NSD1: variants seen among roughly 807,000 people sequenced by gnomAD.
NSD1 encodes the protein nuclear receptor binding SET domain protein 1, also known as histone-lysine N-methyltransferase, H3 lysine-36 specific.
A neutral mutation model predicts 242.7 loss-of-function variants in NSD1; 26 were observed. The ratio of observed to expected loss-of-function variants is 0.11; its 90% CI spans 0.08 to 0.15. NSD1 has a LOEUF of 0.15. NSD1 is among the 10% of genes least tolerant of loss of function. The probability of loss-of-function intolerance (pLI) is 1.00; values close to 1 mark genes in which losing one functional copy is unlikely to be tolerated. For synonymous variants in NSD1, 1,106 were observed against 1,178.1 expected, an observed-to-expected ratio of 0.94 and a Z score of 1.25; for missense variants, 2,495 against 3,272.8, an observed-to-expected ratio of 0.76 and a Z score of 5.80.
chr5:177,295,560 C>A lies in NSD1; in HGVS notation c.*101C>A. 8.4e-7 allele frequency: 1 copy of A among 1,196,152 alleles called. No individual in the cohort carries two copies. 74.1% of individuals were successfully genotyped at this position (1,196,152 alleles called of 1,614,324 possible). ...CCCCCTTAAAAAAAAACACATCTGC[C>A]CCGAACACTTTCCCACTGTTATTCT... On this transcript the variant is annotated 3_prime_UTR_variant, in exon 23 of 23. Coordinates refer to ENST00000439151, the MANE Select transcript of NSD1 (RefSeq NM_022455.5). The surrounding 1 kb of genome is among the most constrained non-coding windows in gnomAD (Gnocchi z 4.3).
intron 2 of NSD1, among the ~76,000 whole-genome samples, chr5:177,176,439 T>TC (rs144442485): frequency 0.096 from 14,509 of 150,734 alleles, 1,179 homozygotes; most frequent in African/African-American, 0.23. Flanking sequence ...TTTTTTTTTT[T>TC]CTTCTTTTTA....
rs1758781600 is a variant in NSD1 at position 177,161,821 on chromosome 5, T to C, written c.927+25791T>C. Among the ~76,000 whole-genome samples, 6 of 151,988 alleles carry C rather than the reference T, an allele frequency of 3.9e-5. No individual in the cohort carries two copies. The South Asian group carries it at 1.2e-3, about 32-fold the overall frequency. ...AGCCTCCTCCACGCCTGGCTAATAT[T>C]TGTATTTTTAGTAGAGATGGGGTTT... On this transcript the variant is annotated intron_variant, in intron 2 of 22. Transcript: ENST00000439151.
At chr5:177,136,849 G>A (rs1469327672) in intron 2 of NSD1, 2 of 663,444 alleles carry the variant, frequency 3.0e-6, no homozygotes, top group South Asian at 1.6e-5. Context: ...CTAAGACAAA[G>A]TTTTATATTT....
chr5:177,265,585 G>A, intron 14 of NSD1: 1 of 1,266,802 alleles, frequency 7.9e-7, no homozygotes, highest in Non-Finnish European at 1.2e-6. Flanking sequence ...ACATCCTGTA[G>A]TCTGTGGAGC....
chr5:177,160,152 A>G (rs1025982531), intron 2 of NSD1, among the ~76,000 whole-genome samples: 1 of 152,002 alleles, frequency 6.6e-6, no homozygotes, highest in Non-Finnish European at 1.5e-5. Flanking sequence ...CCGCCTTCCC[A>G]AGTGCTGGGA....
intron 17 of NSD1, among the ~76,000 whole-genome samples, chr5:177,279,976 T>TTATTA (rs1936764709): frequency 1.3e-5 from 1 of 78,192 alleles, no homozygotes; most frequent in Non-Finnish European, 4.0e-5. Context: ...TTATTTTATT[T>TTATTA]TATTTTATTT....
intron 4 of NSD1, among the ~76,000 whole-genome samples, chr5:177,205,123 G>A (rs773444070): frequency 1.1e-4 from 17 of 151,914 alleles, no homozygotes; most frequent in Admixed American, 5.9e-4. Context: ...TGCAACTTCC[G>A]CCTCCCAGGT....
chr5:177,294,268 T>C lies in NSD1; in HGVS notation c.6900T>C (p.Ala2300=), dbSNP rs1172179073. ...CTTTAGATAAGGTCAGAGACCTCGC[T>C]GGGTCAGGGACCAAATCCCAATCCT... ...PQPLDKVRDL[A]GSGTKSQSLV... Residue 2300 remains alanine, a synonymous_variant, in exon 23 of 23, where the codon GCT becomes GCC. Coordinates refer to ENST00000439151, the MANE Select transcript of NSD1 (RefSeq NM_022455.5). The C allele has an allele frequency of 6.2e-7, 1 of 1,613,564 alleles. No individual in the cohort carries two copies. Among genetic ancestry groups the C allele is most frequent in the Admixed American group, 1.7e-5 (1 of 60,012 alleles).
At chr5:177,187,056 T>C (rs1432951066) in intron 2 of NSD1, among the ~76,000 whole-genome samples, 1 of 151,926 alleles carries the variant, frequency 6.6e-6, no homozygotes, top group South Asian at 2.1e-4. Flanking sequence ...TTTAGAGTTA[T>C]TCAGATATGG....
chr5:177,265,085 T>A, intron 14 of NSD1: 1 of 737,730 alleles, frequency 1.4e-6, no homozygotes, highest in South Asian at 1.4e-5. Context: ...TCCTGAAACA[T>A]GTGAAGGAAA....
intron 2 of NSD1, among the ~76,000 whole-genome samples, chr5:177,190,504 G>A (rs757003790): frequency 6.6e-6 from 1 of 152,054 alleles, no homozygotes; most frequent in Non-Finnish European, 1.5e-5. Context: ...TGGCCAGGCT[G>A]ATCTCAAACT....
At chr5:177,245,991 A>G (rs559181408) in intron 9 of NSD1, among the ~76,000 whole-genome samples, 38 of 140,684 alleles carry the variant, frequency 2.7e-4, no homozygotes, top group Admixed American at 7.3e-4. Flanking sequence ...TTTTTTTGAG[A>G]TGGAGTTTCG....
intron 2 of NSD1, among the ~76,000 whole-genome samples, chr5:177,188,678 A>G (rs762003754): frequency 6.6e-6 from 1 of 152,170 alleles, no homozygotes; most frequent in Non-Finnish European, 1.5e-5. Context: ...TTGTAATAGC[A>G]TAATTTTTTT....
intron 21 of NSD1, 21 bp from the exon 22 acceptor site, chr5:177,291,933 T>C (rs761046193): frequency 3.1e-6 from 5 of 1,609,136 alleles, no homozygotes; most frequent in Non-Finnish European, 4.3e-6. Context: ...GAATGCTGAC[T>C]GTTCAATATC....
At chr5:177,231,681 A>C (rs1212704784) in intron 5 of NSD1, among the ~76,000 whole-genome samples, 1 of 151,742 alleles carries the variant, frequency 6.6e-6, no homozygotes, top group Non-Finnish European at 1.5e-5. Context: ...TGGCCTCCCA[A>C]AGTGCTGGGA....
Position 177,211,057 on chromosome 5 carries a change from A to G in NSD1, c.2658A>G (p.Lys886=). 1 of 1,614,202 alleles carries G rather than the reference A, an allele frequency of 6.2e-7. No homozygotes were observed. Among genetic ancestry groups the G allele is most frequent in the South Asian group, 1.1e-5 (1 of 91,088 alleles). The change falls in exon 5 of 23, where the codon AAA becomes AAG. Residue 886 remains lysine, a synonymous_variant. Coordinates refer to ENST00000439151, the MANE Select transcript of NSD1 (RefSeq NM_022455.5). ...VSDSGTSKPS[K]PLLFSSASSQ... is the part of the protein sequence containing the mutation. Reference sequence around the variant, plus strand: ...ACTCTGGAACATCAAAGCCATCAAAACCATTACTTTTCTCTTCTGCTTCTA... The same window carrying G: ...ACTCTGGAACATCAAAGCCATCAAAGCCATTACTTTTCTCTTCTGCTTCTA...
chr5:177,238,422 G>C lies in NSD1; in HGVS notation c.4107G>C (p.Pro1369=). 6.2e-7 allele frequency: 1 copy of C among 1,614,074 alleles called. No homozygotes were observed. The highest frequency in any genetic ancestry group is 2.2e-5 in the East Asian group (1 of 44,868). ...SELGGGHAEL[P]QLTLSVPVAP... ...TTGGAGGTGGACATGCTGAGTTGCC[G>C]CAGCTGACCTTGTCTGTGCCTGTGG... is the stretch of plus-strand genomic sequence containing the variant. The change falls in exon 7 of 23, where the codon CCG becomes CCC. Residue 1369 remains proline, a synonymous_variant. Coordinates refer to ENST00000439151, the MANE Select transcript of NSD1 (RefSeq NM_022455.5). This position sits in a 1 kb window ranked among gnomAD's most constrained non-coding sequence, Gnocchi z 4.6.
At chr5:177,179,881 T>C (rs1317664964) in intron 2 of NSD1, among the ~76,000 whole-genome samples, 2 of 152,090 alleles carry the variant, frequency 1.3e-5, no homozygotes, top group Non-Finnish European at 2.9e-5. Context: ...TTCTATTCTT[T>C]AGTCTATTAA....
At chr5:177,216,453 T>C (rs954060673) in intron 5 of NSD1, among the ~76,000 whole-genome samples, 8 of 152,078 alleles carry the variant, frequency 5.3e-5, no homozygotes, top group African/African-American at 1.9e-4. Context: ...CTTCTAGGAG[T>C]TTCATAGTTG....
Sources: allele counts gnomAD v4.1 joint callset (sites outside exome capture counted in the v4.1 genomes callset), GRCh38; gene constraint gnomAD v4.1.1; non-coding constraint Gnocchi (gnomAD v3.1); transcripts MANE v1.5; gene names NCBI Gene and HGNC (gene_info 2026-07-23, HGNC 2026-07-21).